The following ASTN1 variants were observed in gnomAD, a reference collection of about 807,000 sequenced individuals.
ASTN1 encodes the protein astrotactin-1.
ASTN1 carries 41 observed loss-of-function variants against 140.7 expected under a neutral mutation model. The observed-to-expected ratio is 0.29, with a 90% CI of 0.23 to 0.38. The LOEUF is 0.38. Ranked by LOEUF, ASTN1 falls within the 10% of genes least tolerant of loss-of-function variation. The pLI, the probability that ASTN1 is intolerant of heterozygous loss-of-function variation, is 1.00. For missense variants in ASTN1, 1,479 were observed against 1,678.8 expected, an observed-to-expected ratio of 0.88 and a Z score of 2.08; for synonymous variants, 640 against 652.2, an observed-to-expected ratio of 0.98 and a Z score of 0.29.
At chr1:177,139,757 A>C (rs1682376367) in intron 1 of ASTN1, among the ~76,000 whole-genome samples, 1 of 152,108 alleles carries the variant, frequency 6.6e-6, no homozygotes, top group Admixed American at 6.5e-5. Flanking sequence ...ACCTTCACTA[A>C]TCTTTCTTGC....
rs1383593555 is a variant in ASTN1 at position 176,999,827 on chromosome 1, C to A, written c.1523+14964G>T. Reference sequence around the variant, plus strand: ...TTTTATGTGTCTGGCATTTCCCCTGCTGGCACTTATTCTCTCTCCTGCCAC... The same window carrying A: ...TTTTATGTGTCTGGCATTTCCCCTGATGGCACTTATTCTCTCTCCTGCCAC... On this transcript the variant is annotated intron_variant, in intron 8 of 22. Transcript: ENST00000361833. Among the ~76,000 whole-genome samples the A allele has an allele frequency of 2.0e-5, 3 of 152,128 alleles. No homozygotes were observed. In the East Asian group the frequency reaches 5.8e-4, roughly 29 times the overall value.
At chr1:176,871,766 C>T (rs1668354386) in intron 21 of ASTN1, among the ~76,000 whole-genome samples, 1 of 152,202 alleles carries the variant, frequency 6.6e-6, no homozygotes, top group Non-Finnish European at 1.5e-5. Flanking sequence ...CTCAAGAATT[C>T]ACTAACTTAA....
At chr1:177,096,543 T>A (rs1350293864) in intron 1 of ASTN1, among the ~76,000 whole-genome samples, 1 of 152,156 alleles carries the variant, frequency 6.6e-6, no homozygotes, top group African/African-American at 2.4e-5. Context: ...CATCTTGAGT[T>A]GTAGCTCCCA....
intron 20 of ASTN1, among the ~76,000 whole-genome samples, chr1:176,880,329 C>T (rs564424569): frequency 6.4e-4 from 97 of 152,304 alleles, no homozygotes; most frequent in African/African-American, 2.3e-3. Flanking sequence ...TACTTTCCCA[C>T]TTTCCTTCTC....
intron 1 of ASTN1, among the ~76,000 whole-genome samples, chr1:177,135,622 G>C (rs915940599): frequency 1.3e-5 from 2 of 152,172 alleles, no homozygotes; most frequent in African/African-American, 4.8e-5. Flanking sequence ...CGGGAAGAGG[G>C]GAAAGCAGGG....
At chr1:177,067,393 A>T (rs1678417333) in intron 1 of ASTN1, among the ~76,000 whole-genome samples, 1 of 152,182 alleles carries the variant, frequency 6.6e-6, no homozygotes, top group Non-Finnish European at 1.5e-5. Context: ...GTCAAACACT[A>T]AGAATAACAA....
At chr1:176,956,742 C>T (rs1410981047) in intron 11 of ASTN1, among the ~76,000 whole-genome samples, 1 of 152,144 alleles carries the variant, frequency 6.6e-6, no homozygotes, top group East Asian at 1.9e-4. Context: ...GACAATAGTG[C>T]TATGAGTATA....
At chr1:177,035,538 G>A (rs949261265) in intron 2 of ASTN1, among the ~76,000 whole-genome samples, 1 of 152,228 alleles carries the variant, frequency 6.6e-6, no homozygotes, top group Non-Finnish European at 1.5e-5. Flanking sequence ...TTAGTTGGTA[G>A]TAAAAAGACG....
chr1:176,999,876 G>A (rs2101911324), intron 8 of ASTN1, among the ~76,000 whole-genome samples: 1 of 152,258 alleles, frequency 6.6e-6, no homozygotes, highest in Admixed American at 6.5e-5. Context: ...CATCCACCAT[G>A]TTTATAAGAT....
intron 1 of ASTN1, among the ~76,000 whole-genome samples, chr1:177,076,072 G>T (rs958917442): frequency 2.0e-5 from 3 of 151,884 alleles, no homozygotes; most frequent in African/African-American, 4.8e-5. Context: ...GAGGTCGAAA[G>T]ATCGAGACCA....
Position 177,101,797 on chromosome 1 carries a change from A to G in ASTN1, c.284-40532T>C, listed in dbSNP as rs79483474. Among the ~76,000 whole-genome samples, 857 of 152,282 alleles carry G rather than the reference A, an allele frequency of 5.6e-3. 4 individuals are homozygous for G. Among genetic ancestry groups the G allele is most frequent in the African/African-American group, 0.02 (824 of 41,568 alleles). On this transcript the variant is annotated intron_variant, in intron 1 of 22. Transcript: ENST00000361833. ...ATGTCCTATCAGTAAGGCCAAGAAT[A>G]ATTGCACCCATAGGCAGCCTTTCCT...
intron 20 of ASTN1, among the ~76,000 whole-genome samples, chr1:176,879,937 C>T (rs1668717808): frequency 6.6e-6 from 1 of 152,174 alleles, no homozygotes; most frequent in Non-Finnish European, 1.5e-5. Flanking sequence ...TTACACATTT[C>T]ATGTGGAAAT....
At chr1:177,138,004 G>C (rs545529407) in intron 1 of ASTN1, among the ~76,000 whole-genome samples, 1 of 152,088 alleles carries the variant, frequency 6.6e-6, no homozygotes, top group East Asian at 1.9e-4. Flanking sequence ...CAGGAAATAC[G>C]GCCCTCTAGA....
chr1:177,089,556 C>A (rs1342093049), intron 1 of ASTN1, among the ~76,000 whole-genome samples: 3 of 152,128 alleles, frequency 2.0e-5, no homozygotes, highest in African/African-American at 7.2e-5. Flanking sequence ...CTTATGCCAG[C>A]CAGGGTACAC....
Position 176,958,398 on chromosome 1 carries a change from T to A in ASTN1, c.1683A>T (p.Pro561=), listed in dbSNP as rs755372391. Reference sequence around the variant, plus strand: ...TCATGTCCGTCTTGCACTTTGCTGATGGATTGATGGCCAGTTCGGCTGGTG... The same window carrying A: ...TCATGTCCGTCTTGCACTTTGCTGAAGGATTGATGGCCAGTTCGGCTGGTG... The part of the protein sequence containing the change: ...VIPPAELAIN[P]SAKCKTDMTV... Residue 561 remains proline, a synonymous_variant, in exon 10 of 23, where the codon CCA becomes CCT. Coordinates refer to ENST00000361833, the MANE Select transcript of ASTN1 (RefSeq NM_004319.3). 2 of 1,614,088 alleles carry A rather than the reference T, an allele frequency of 1.2e-6. No homozygotes were observed. Among genetic ancestry groups the A allele is most frequent in the Non-Finnish European group, 1.7e-6 (2 of 1,179,984 alleles).
At chr1:177,134,302 C>T (rs777737669) in intron 1 of ASTN1, among the ~76,000 whole-genome samples, 2 of 152,220 alleles carry the variant, frequency 1.3e-5, no homozygotes, top group Non-Finnish European at 2.9e-5. Flanking sequence ...ACTGACCTCT[C>T]CACCACTCAT....
Position 177,018,661 on chromosome 1 carries a change from G to A in ASTN1, c.1439-3786C>T, listed in dbSNP as rs1298712683. 3.3e-5 allele frequency among the ~76,000 whole-genome samples: 5 copies of A among 152,176 alleles called. No homozygotes were observed. In the East Asian group the frequency reaches 7.7e-4, roughly 23 times the overall value. On this transcript the variant is annotated intron_variant, in intron 7 of 22. Coordinates refer to ENST00000361833, the MANE Select transcript of ASTN1 (RefSeq NM_004319.3). Reference sequence around the variant, plus strand: ...GGGTCTGTGGCCAGGATTGATGGGGGCTGTGAAATAAAGCAGGTGTGTGAA... The same window carrying A: ...GGGTCTGTGGCCAGGATTGATGGGGACTGTGAAATAAAGCAGGTGTGTGAA...
intron 1 of ASTN1, among the ~76,000 whole-genome samples, chr1:177,105,504 A>G (rs536927034): frequency 5.3e-4 from 80 of 152,254 alleles, no homozygotes; most frequent in African/African-American, 1.8e-3. Context: ...ATAGATGCTT[A>G]TGAAGCTGAG....
At chr1:176,913,408 C>A (rs1449705680) in intron 16 of ASTN1, among the ~76,000 whole-genome samples, 1 of 152,176 alleles carries the variant, frequency 6.6e-6, no homozygotes, top group Non-Finnish European at 1.5e-5. Context: ...TCCATGAATG[C>A]ATGTGCCCAG....
Sources: allele counts gnomAD v4.1 joint callset (sites outside exome capture counted in the v4.1 genomes callset), GRCh38; gene constraint gnomAD v4.1.1; transcripts MANE v1.5; gene names NCBI Gene and HGNC (gene_info 2026-07-23, HGNC 2026-07-21).